The following MAEA variants were observed in gnomAD, a reference collection of about 807,000 sequenced individuals.
The protein encoded by MAEA is E3 ubiquitin-protein transferase MAEA.
A neutral mutation model predicts 46.2 loss-of-function variants in MAEA; 22 were observed. That is an observed-to-expected ratio of 0.48 (90% CI 0.34 to 0.68). The LOEUF (loss-of-function observed/expected upper bound fraction) is 0.68, where lower values mean the gene tolerates loss of function less well. MAEA is among the 30% of genes least tolerant of loss of function. MAEA has a pLI of 0.01. For synonymous variants in MAEA, 246 were observed against 222.6 expected, an observed-to-expected ratio of 1.11 and a Z score of -0.94; for missense variants, 393 against 558.1, an observed-to-expected ratio of 0.70 and a Z score of 2.98.
intron 1 of MAEA, among the ~76,000 whole-genome samples, chr4:1,292,710 C>T (rs1438260365): frequency 6.6e-6 from 1 of 152,128 alleles, no homozygotes; most frequent in Admixed American, 6.6e-5. Context: ...TGGGCTGGAT[C>T]CTGCTTTAAG....
At chr4:1,312,421 T>TG in intron 2 of MAEA, 1 of 401,560 alleles carries the variant, frequency 2.5e-6, no homozygotes, top group Non-Finnish European at 4.3e-6. Context: ...GCAGGTTGAT[T>TG]GATTTTTTTT....
chr4:1,291,980 A>C (rs951272234), intron 1 of MAEA, among the ~76,000 whole-genome samples: 5 of 152,172 alleles, frequency 3.3e-5, no homozygotes, highest in Non-Finnish European at 5.9e-5. Flanking sequence ...TTTTGCTGGG[A>C]AACTAGGGAT....
intron 1 of MAEA, among the ~76,000 whole-genome samples, chr4:1,296,968 G>A (rs943360001): frequency 6.6e-6 from 1 of 152,084 alleles, no homozygotes; most frequent in Non-Finnish European, 1.5e-5. Flanking sequence ...CTTCACAGAC[G>A]GTCTCCAAGC....
At chr4:1,314,066 G>A (rs1290329573) in intron 2 of MAEA, among the ~76,000 whole-genome samples, 5 of 152,214 alleles carry the variant, frequency 3.3e-5, no homozygotes, top group South Asian at 2.1e-4. Flanking sequence ...AGTGGCTCAC[G>A]CCTGCAATCC....
chr4:1,308,064 C>A (rs989873490), intron 1 of MAEA, among the ~76,000 whole-genome samples: 1 of 151,428 alleles, frequency 6.6e-6, no homozygotes, highest in Non-Finnish European at 1.5e-5. Context: ...GGCGACTTTG[C>A]GGTGTGAACA....
rs549531213 is a variant in MAEA, at chr4:1,339,824, G to A, written c.*655G>A. On this transcript the variant is annotated 3_prime_UTR_variant, in exon 9 of 9. Transcript: ENST00000303400. The stretch of plus-strand genomic sequence containing the variant: ...GCTGTGTTCGTAGCTGCGTCGTTTC[G>A]ATATCACACCCTCTGTGTGCCGCCT... 2.0e-4 allele frequency: 31 copies of A among 152,942 alleles called. No homozygotes were observed. Among genetic ancestry groups the A allele is most frequent in the Non-Finnish European group, 2.9e-4 (20 of 68,174 alleles). 9.5% of individuals were successfully genotyped at this position (152,942 alleles called of 1,614,324 possible). A position where few individuals can be genotyped will look rare whatever the true frequency, so the allele number is the denominator to read the frequency against.
intron 8 of MAEA, 85 bp downstream of exon 8, chr4:1,338,702 A>G: frequency 9.3e-7 from 1 of 1,071,828 alleles, no homozygotes; most frequent in Non-Finnish European, 1.3e-6. Flanking sequence ...CAGGGGGGCC[A>G]GGCTGGCACG....
intron 7 of MAEA, 190 bp from the exon 8 acceptor site, chr4:1,338,232 C>A: frequency 1.9e-6 from 1 of 538,458 alleles, no homozygotes; most frequent in East Asian, 3.0e-5. Context: ...TTGTCTCCAC[C>A]GAGGCCTCAG....
At position 1,336,986 on chromosome 4, in the gene MAEA, C is replaced by G; in HGVS notation, c.891C>G (p.Ile297Met). ...CCCTGCAGGCTGGCCTCTCAGCCAT[C>G]AAGACACCGTATCCTACCTCCCGTG... is the stretch of plus-strand genomic sequence containing the variant. ...TLTLQAGLSA[I>M]KTPQCYKEDG... Residue 297 changes from isoleucine to methionine, a missense_variant, in exon 7 of 9, where the codon ATC becomes ATG. Ile to Met is a conservative substitution (Grantham distance 10). This residue lies in a region of MAEA where 358 missense variants were observed against 537.9 expected (regional missense o/e 0.67). Coordinates refer to ENST00000303400, the MANE Select transcript of MAEA (RefSeq NM_001017405.3). 1 of 1,613,870 alleles carries G rather than the reference C, an allele frequency of 6.2e-7. No homozygotes were observed. Among genetic ancestry groups the G allele is most frequent in the Non-Finnish European group, 8.5e-7 (1 of 1,179,996 alleles).
rs1371096069 is a variant in MAEA at position 1,315,762 on chromosome 4, G to A, written c.456+162G>A. On this transcript the variant is annotated intron_variant, in intron 3 of 8. Transcript: ENST00000303400. ...TTCCCCTCCCCCCACCCCCGTGTGCGTGTGTCCCCCCTCCAGTGTGTGTGT... is the reference window on the plus strand; with the variant it reads ...TTCCCCTCCCCCCACCCCCGTGTGCATGTGTCCCCCCTCCAGTGTGTGTGT... Among the ~76,000 whole-genome samples, 9 of 92,832 alleles carry A rather than the reference G, an allele frequency of 9.7e-5. No individual in the cohort carries two copies. The South Asian group carries it at 1.1e-3, about 11-fold the overall frequency. 60.9% of individuals were successfully genotyped at this position (92,832 alleles called of 152,430 possible).
At chr4:1,338,262 A>T in intron 7 of MAEA, 160 bp from the exon 8 acceptor site, 1 of 568,180 alleles carries the variant, frequency 1.8e-6, no homozygotes, top group Non-Finnish European at 3.1e-6. Flanking sequence ...TTAGCTGTCG[A>T]GTGCAGCACT....
Position 1,318,170 on chromosome 4 carries a change from C to T in MAEA, c.456+2570C>T, listed in dbSNP as rs186240279. Reference sequence around the variant, plus strand: ...GCCCACATGTCCTGGCTGCCTGGGGCGGCCCCCCGTGTGTTCATAGATGAC... The same window carrying T: ...GCCCACATGTCCTGGCTGCCTGGGGTGGCCCCCCGTGTGTTCATAGATGAC... On this transcript the variant is annotated intron_variant, in intron 3 of 8. Coordinates refer to ENST00000303400, the MANE Select transcript of MAEA (RefSeq NM_001017405.3). Among the ~76,000 whole-genome samples, 196 of 151,978 alleles carry T rather than the reference C, an allele frequency of 1.3e-3. 1 individual carries two copies. Among genetic ancestry groups the T allele is most frequent in the African/African-American group, 4.4e-3 (184 of 41,508 alleles).
At position 1,338,499 on chromosome 4, in the gene MAEA, AGCCCCT is replaced by A; in HGVS notation, c.982_987del (p.Leu328_Pro329del). ...AGCCGCTCCCTGAACAAGCTGGCGC[AGCCCCT>A]GCCCATGGCCCACTGTGCCAACTCC... On this transcript the variant is annotated inframe_deletion, in exon 8 of 9. Transcript: ENST00000303400. 6.2e-7 allele frequency: 1 copy of A among 1,613,138 alleles called. No individual in the cohort carries two copies. Among genetic ancestry groups the A allele is most frequent in the Non-Finnish European group, 8.5e-7 (1 of 1,179,988 alleles).
intron 1 of MAEA, among the ~76,000 whole-genome samples, chr4:1,307,942 G>A (rs1450370788): frequency 3.3e-5 from 5 of 152,054 alleles, no homozygotes; most frequent in African/African-American, 1.2e-4. Flanking sequence ...ATGCTTCACA[G>A]GTTCTCTAGG....
chr4:1,322,427 A>C lies in MAEA; in HGVS notation c.503A>C (p.Glu168Ala), dbSNP rs1308066126. Residue 168 changes from glutamate (E) to alanine (A), a missense_variant, in exon 4 of 9, where the codon GAG becomes GCG. Transcript: ENST00000303400. ...TTCCTGACGGCCAAAGAGGTGGAGG[A>C]GTCCCTGGAGAGGCGTGAGACGGCC... The part of the protein sequence containing the change: ...EMFLTAKEVE[E>A]SLERRETATC... The C allele has an allele frequency of 1.2e-6, 2 of 1,614,072 alleles. No homozygotes were observed. Among genetic ancestry groups the C allele is most frequent in the East Asian group, 4.5e-5 (2 of 44,874 alleles).
intron 1 of MAEA, chr4:1,297,955 G>T (rs1394562223): frequency 2.2e-6 from 1 of 455,708 alleles, no homozygotes; most frequent in African/African-American, 2.0e-5. Context: ...CATTGTTCTA[G>T]AACATTCCAG....
chr4:1,300,731 C>T (rs1735239333), intron 1 of MAEA, among the ~76,000 whole-genome samples: 2 of 152,254 alleles, frequency 1.3e-5, no homozygotes, highest in African/African-American at 4.8e-5. Context: ...TGGGCGTGCA[C>T]ACAACAGGGA....
At chr4:1,316,530 C>T (rs571048560) in intron 3 of MAEA, among the ~76,000 whole-genome samples, 20 of 152,122 alleles carry the variant, frequency 1.3e-4, no homozygotes, top group African/African-American at 1.7e-4. Flanking sequence ...GGCCCTGTCC[C>T]GGGCCCAGCC....
At position 1,311,285 on chromosome 4, in the gene MAEA, C is replaced by T. The variant is rs1736471205; in HGVS notation, c.70-694C>T. ...GGCCGGGGAGCGCTGGGGCGTGATTCTGTCGTGCCGCTTTCAAACCGTAGA... is the reference window on the plus strand; with the variant it reads ...GGCCGGGGAGCGCTGGGGCGTGATTTTGTCGTGCCGCTTTCAAACCGTAGA... On this transcript the variant is annotated intron_variant, in intron 1 of 8. Coordinates refer to ENST00000303400, the MANE Select transcript of MAEA (RefSeq NM_001017405.3). This position sits in a 1 kb window ranked among gnomAD's most constrained non-coding sequence, Gnocchi z 4.4. 6.6e-6 allele frequency among the ~76,000 whole-genome samples: 1 copy of T among 152,260 alleles called. No homozygotes were observed. The highest frequency in any genetic ancestry group is 1.9e-4 in the East Asian group (1 of 5,194).
Sources: gnomAD v4.1 joint callset for allele counts (sites outside exome capture counted in the v4.1 genomes callset) on GRCh38, gnomAD v4.1.1 for gene constraint, gnomAD v4.1.1 regional missense constraint, Gnocchi (gnomAD v3.1) non-coding constraint, MANE v1.5 for transcripts, NCBI Gene and HGNC (gene_info 2026-07-23, HGNC 2026-07-21) for gene names.